The following DAAM2 variants were observed in gnomAD, a reference collection of about 807,000 sequenced individuals.
DAAM2 encodes disheveled-associated activator of morphogenesis 2.
In DAAM2, 39 loss-of-function variants were observed where a neutral mutation model predicts 120.7. The observed-to-expected ratio is 0.32, with a 90% CI of 0.25 to 0.42. The LOEUF (loss-of-function observed/expected upper bound fraction) is 0.42. Ranked by LOEUF, DAAM2 falls within the 10% of genes least tolerant of loss-of-function variation. The pLI is 1.00. For synonymous variants in DAAM2, 488 were observed against 524.9 expected (o/e 0.93, Z 0.96); for missense variants, 1,283 against 1,401.7 (o/e 0.92, Z 1.35).
At position 39,903,334 on chromosome 6, in the gene DAAM2, G is replaced by A. The variant is rs1766595378; in HGVS notation, c.*1297G>A. 1 of 152,286 alleles carries A rather than the reference G, an allele frequency of 6.6e-6. No homozygotes were observed. Among genetic ancestry groups the A allele is most frequent in the South Asian group, 2.1e-4 (1 of 4,826 alleles). The allele number at this position is 152,286 out of a possible 1,614,324, so 9.4% of individuals were successfully genotyped here. On this transcript the variant is annotated 3_prime_UTR_variant, in exon 25 of 25. Transcript: ENST00000274867. ...TCACCTGAAGGTGCCAAGGAGGAAG[G>A]CTGAGAGGGGGGCCACCCCATTTCT...
Position 39,887,609 on chromosome 6 carries a change from G to A in DAAM2, c.2060+17G>A, listed in dbSNP as rs759996888. 1.3e-5 allele frequency: 20 copies of A among 1,585,608 alleles called. No homozygotes were observed. In the Admixed American group the frequency reaches 3.0e-4, roughly 24 times the overall value. Reference sequence around the variant, plus strand: ...TCTTTCCAAGTATGTGCAAAAGAAGGTGGTTGAGTTGGATGCCTGGGGGAC... The same window carrying A: ...TCTTTCCAAGTATGTGCAAAAGAAGATGGTTGAGTTGGATGCCTGGGGGAC... On this transcript the variant is annotated intron_variant, in intron 16 of 24. Coordinates refer to ENST00000274867, the MANE Select transcript of DAAM2 (RefSeq NM_001201427.2).
intron 1 of DAAM2, among the ~76,000 whole-genome samples, chr6:39,839,895 G>T (rs987711959): frequency 6.6e-6 from 1 of 152,206 alleles, no homozygotes; most frequent in Admixed American, 6.5e-5. Flanking sequence ...GGGTGCGGGA[G>T]TACCTGTGTG....
chr6:39,879,618 A>C, intron 14 of DAAM2, 141 bp downstream of exon 14: 4 of 1,164,108 alleles, frequency 3.4e-6, no homozygotes, highest in South Asian at 1.3e-5. Flanking sequence ...GTGGATGTAC[A>C]AAGTGGGTTT....
At position 39,903,973 on chromosome 6, in the gene DAAM2, C is replaced by T; in HGVS notation, c.*1936C>T. 2.9e-6 allele frequency: 1 copy of T among 350,846 alleles called. No homozygotes were observed. The highest frequency in any genetic ancestry group is 5.6e-6 in the Non-Finnish European group (1 of 179,562). The allele number at this position is 350,846 out of a possible 1,614,324, so 21.7% of individuals were successfully genotyped here. A position where few individuals can be genotyped will look rare whatever the true frequency, so the allele number is the denominator to read the frequency against. On this transcript the variant is annotated 3_prime_UTR_variant, in exon 25 of 25. Transcript: ENST00000274867. ...GCATCTGCAGCCCCAAGAGCTCCCA[C>T]TGCAAGACAAGTGTTGGGGAAGATG...
At chr6:39,847,380 C>G (rs1374816903) in intron 1 of DAAM2, among the ~76,000 whole-genome samples, 1 of 152,110 alleles carries the variant, frequency 6.6e-6, no homozygotes, top group East Asian at 1.9e-4. Context: ...CTGCGCCTTT[C>G]AGTAACAGCA....
chr6:39,815,974 T>TGC (rs1762297620), intron 1 of DAAM2, among the ~76,000 whole-genome samples: 1 of 152,190 alleles, frequency 6.6e-6, no homozygotes, highest in Non-Finnish European at 1.5e-5. Context: ...AGACAACTTC[T>TGC]AAAGAATGGA....
rs1433880082 is a variant in DAAM2 at position 39,879,257 on chromosome 6, C to T, written c.1625C>T (p.Pro542Leu). The change falls in exon 14 of 25, where the codon CCA (proline) becomes CTA (leucine). Residue 542 changes from proline to leucine, a missense_variant. Pro to Leu is a moderately conservative substitution (Grantham distance 98, BLOSUM62 -3). Transcript: ENST00000274867. ...TCAATGACAACCAATGACCTGCCTC[C>T]ACCCCCTCCTCCTCTGCCCTTTGCC... ...SSSMTTNDLP[P>L]PPPPLPFACC... is the part of the protein sequence containing the mutation. 5.2e-6 allele frequency: 8 copies of T among 1,539,128 alleles called. No individual in the cohort carries two copies. Among genetic ancestry groups the T allele is most frequent in the East Asian group, 2.4e-5 (1 of 41,220 alleles).
chr6:39,900,923 G>A (rs989903747), intron 23 of DAAM2, among the ~76,000 whole-genome samples: 1 of 152,138 alleles, frequency 6.6e-6, no homozygotes, highest in Non-Finnish European at 1.5e-5. Flanking sequence ...CCATTTGACA[G>A]TGGAGGAAGC....
rs750321033 is a variant in DAAM2, at chr6:39,900,079, G to A, written c.2682G>A (p.Glu894=). The change falls in exon 23 of 25, where the codon GAG becomes GAA. Residue 894 remains glutamate, a splice_region_variant and synonymous_variant. Coordinates refer to ENST00000274867, the MANE Select transcript of DAAM2 (RefSeq NM_001201427.2). ...AGCACTTCACCCTCCCTCCTCAGGA[G>A]CTGGAGTATCAGAGGCGCCAGGTAC... ...LRRGLRAVEV[E]LEYQRRQVRE... is the part of the protein sequence containing the mutation. 1.4e-5 allele frequency: 22 copies of A among 1,601,038 alleles called. No individual in the cohort carries two copies. In the East Asian group the frequency reaches 3.4e-4, roughly 25 times the overall value.
rs1766503806 is a variant in DAAM2, at chr6:39,901,814, T to C, written c.2984T>C (p.Leu995Pro). ...CTATCTTTGGCCCCCCGCCCGCAGCTGAAGGAGCAGAGGGAACGTGAGCGG... is the reference window on the plus strand; with the variant it reads ...CTATCTTTGGCCCCCCGCCCGCAGCCGAAGGAGCAGAGGGAACGTGAGCGG... Reference protein sequence around the residue: ...EERRARMEAMLKEQRERERWQ... With the variant: ...EERRARMEAMPKEQRERERWQ... Residue 995 changes from leucine (L) to proline (P), a missense_variant and splice_region_variant, in exon 25 of 25, where the codon CTG becomes CCG. Physicochemically the swap from Leu to Pro is moderately conservative, Grantham distance 98. Coordinates refer to ENST00000274867, the MANE Select transcript of DAAM2 (RefSeq NM_001201427.2). This position sits in a 1 kb window ranked among gnomAD's most constrained non-coding sequence, Gnocchi z 4.5. The C allele has an allele frequency of 1.3e-6, 2 of 1,529,846 alleles. No homozygotes were observed. The highest frequency in any genetic ancestry group is 1.8e-6 in the Non-Finnish European group (2 of 1,138,032). 94.8% of individuals were successfully genotyped at this position (1,529,846 alleles called of 1,614,324 possible). A position where few individuals can be genotyped will look rare whatever the true frequency, so the allele number is the denominator to read the frequency against.
At chr6:39,897,085 C>A (rs1344324078) in intron 20 of DAAM2, 90 bp from the exon 21 acceptor site, 21 of 1,517,748 alleles carry the variant, frequency 1.4e-5, no homozygotes, top group Non-Finnish European at 1.9e-5. Context: ...GACTCATCAC[C>A]CCTTTCTCTT....
Position 39,898,914 on chromosome 6 carries a change from A to C in DAAM2, c.2656A>C (p.Arg886=), listed in dbSNP as rs758737057. 1.9e-6 allele frequency: 3 copies of C among 1,612,614 alleles called. No homozygotes were observed. The highest frequency in any genetic ancestry group is 2.5e-6 in the Non-Finnish European group (3 of 1,179,422). ...ELEKEVGNLR[R]GLRAVEVELE... ...GGAGAAGGAGGTGGGCAACCTCAGG[A>C]GGGGCCTGAGAGCGGTGGAGGTGGT... Residue 886 remains arginine, a synonymous_variant, in exon 22 of 25, where the codon AGG becomes CGG. Transcript: ENST00000274867.
chr6:39,898,837 T>C (rs1169467167), intron 21 of DAAM2, 40 bp from the exon 22 acceptor site: 2 of 1,562,436 alleles, frequency 1.3e-6, no homozygotes, highest in Non-Finnish European at 1.8e-6. Flanking sequence ...AAGGCGGGAG[T>C]TGATGGTCCT....
At chr6:39,798,280 G>A (rs1761758720) in intron 1 of DAAM2, among the ~76,000 whole-genome samples, 1 of 152,140 alleles carries the variant, frequency 6.6e-6, no homozygotes, top group South Asian at 2.1e-4. Context: ...CTCAGTTTTC[G>A]CATCTGAAAA....
intron 17 of DAAM2, among the ~76,000 whole-genome samples, chr6:39,890,244 T>A (rs1281220843): frequency 6.6e-6 from 1 of 152,200 alleles, no homozygotes; most frequent in Non-Finnish European, 1.5e-5. Flanking sequence ...TGGTTGGTCT[T>A]GCTGTCTCAG....
In DAAM2 at chr6:39,878,569, C is replaced by T. The variant is rs1424585308; in HGVS notation, c.1526C>T (p.Ala509Val). ...QARGQVAELVAQLSELSTGPV... is the reference protein window; with the variant it reads ...QARGQVAELVVQLSELSTGPV... ...CGGGGACAAGTGGCAGAGCTGGTAGCCCAGCTCAGTGAACTCTCAGTATGC... is the reference window on the plus strand; with the variant it reads ...CGGGGACAAGTGGCAGAGCTGGTAGTCCAGCTCAGTGAACTCTCAGTATGC... The change falls in exon 13 of 25, where the codon GCC becomes GTC. Residue 509 changes from alanine (A) to valine (V), a missense_variant. This residue lies in a region of DAAM2 where 748 missense variants were observed against 768.6 expected (regional missense o/e 0.97). Transcript: ENST00000274867. This position sits in a 1 kb window ranked among gnomAD's most constrained non-coding sequence, Gnocchi z 5.0. 1.2e-6 allele frequency: 2 copies of T among 1,606,180 alleles called. No individual in the cohort carries two copies. Among genetic ancestry groups the T allele is most frequent in the Admixed American group, 1.7e-5 (1 of 59,248 alleles).
chr6:39,812,089 A>G (rs1282404166), intron 1 of DAAM2, among the ~76,000 whole-genome samples: 1 of 152,182 alleles, frequency 6.6e-6, no homozygotes, highest in Non-Finnish European at 1.5e-5. Context: ...AAAGGCTACC[A>G]AAGAGCATGT....
Position 39,804,944 on chromosome 6 carries a change from G to A in DAAM2, c.-57+12479G>A, listed in dbSNP as rs144068509. Among the ~76,000 whole-genome samples, 409 of 152,188 alleles carry A rather than the reference G, an allele frequency of 2.7e-3. 1 individual carries two copies. Among genetic ancestry groups the A allele is most frequent in the African/African-American group, 9.3e-3 (386 of 41,528 alleles). ...GTGAATTCTGGTGAGCAAAATTCCC[G>A]CCCACCTCCAGAGCTCCAGTCTGTT... is the stretch of plus-strand genomic sequence containing the variant. On this transcript the variant is annotated intron_variant, in intron 1 of 24. Transcript: ENST00000274867.
chr6:39,839,737 C>T (rs949961716), intron 1 of DAAM2, among the ~76,000 whole-genome samples: 1 of 152,360 alleles, frequency 6.6e-6, no homozygotes, highest in Admixed American at 6.5e-5. Context: ...TCGCAGGAGG[C>T]TCTGCACAGC....
Sources: gnomAD v4.1 joint callset for allele counts (sites outside exome capture counted in the v4.1 genomes callset) on GRCh38, gnomAD v4.1.1 for gene constraint, gnomAD v4.1.1 regional missense constraint, Gnocchi (gnomAD v3.1) non-coding constraint, MANE v1.5 for transcripts, NCBI Gene and HGNC (gene_info 2026-07-23, HGNC 2026-07-21) for gene names.